The following KCNK2 variants were observed in gnomAD, a reference collection of about 807,000 sequenced individuals.
The protein encoded by KCNK2 is potassium channel subfamily K member 2.
A neutral mutation model predicts 40.5 loss-of-function variants in KCNK2; 21 were observed. The observed-to-expected ratio is 0.52, with a 90% CI of 0.37 to 0.75. KCNK2 has a LOEUF of 0.75. Ranked by LOEUF, KCNK2 falls within the 30% of genes least tolerant of loss-of-function variation. The probability of loss-of-function intolerance (pLI) is 0.00; values close to 1 mark genes in which losing one functional copy is unlikely to be tolerated. For missense variants in KCNK2, 399 were observed against 531.6 expected, an observed-to-expected ratio of 0.75 and a Z score of 2.45; for synonymous variants, 191 against 202.2, an observed-to-expected ratio of 0.94 and a Z score of 0.47.
In KCNK2 at chr1:215,082,961, C is replaced by T. The variant is rs1026208049; in HGVS notation, c.-425C>T. ...TGCACCCACCGCCCCCGCGCCGCGC[C>T]GTGCCGGGGCCGGGCCAGCGAGCAG... On this transcript the variant is annotated 5_prime_UTR_variant, in exon 1 of 7. Transcript: ENST00000444842. Among the ~76,000 whole-genome samples the T allele has an allele frequency of 4.7e-5, 7 of 148,370 alleles. No individual in the cohort carries two copies. The highest frequency in any genetic ancestry group is 1.7e-4 in the African/African-American group (7 of 40,990).
chr1:215,107,907 A>G (rs1161550029), intron 2 of KCNK2, among the ~76,000 whole-genome samples: 1 of 152,160 alleles, frequency 6.6e-6, no homozygotes, highest in African/African-American at 2.4e-5. Context: ...TTTATGGTGT[A>G]TTAGGTGTTA....
At chr1:215,186,639 G>A (rs2102654698) in intron 5 of KCNK2, among the ~76,000 whole-genome samples, 1 of 152,244 alleles carries the variant, frequency 6.6e-6, no homozygotes, top group South Asian at 2.1e-4. Flanking sequence ...CTGAATATAG[G>A]AATTCAGCAT....
At chr1:215,020,951 T>G (rs550543279) in intron 1 of KCNK2, among the ~76,000 whole-genome samples, 1 of 152,322 alleles carries the variant, frequency 6.6e-6, no homozygotes, top group African/African-American at 2.4e-5. Context: ...ACCTCTAATC[T>G]TCTAGTATAA....
chr1:215,129,271 T>C (rs1049624338), intron 3 of KCNK2, among the ~76,000 whole-genome samples: 4 of 152,178 alleles, frequency 2.6e-5, no homozygotes, highest in Non-Finnish European at 5.9e-5. Flanking sequence ...TTATATGTTG[T>C]ATTATTTTAG....
At chr1:215,008,862 T>A (rs913467547) in intron 1 of KCNK2, among the ~76,000 whole-genome samples, 3 of 151,944 alleles carry the variant, frequency 2.0e-5, no homozygotes, top group Non-Finnish European at 4.4e-5. Flanking sequence ...TCAGAATGCA[T>A]GCTTTTTTTT....
At chr1:215,188,249 C>A (rs1556905) in intron 5 of KCNK2, among the ~76,000 whole-genome samples, 56,184 of 152,012 alleles carry the variant, frequency 0.37, 10,815 homozygotes, top group South Asian at 0.61. Context: ...GTGCTCCCTC[C>A]TATAGAGGTA....
chr1:215,144,324 G>C (rs1248185292), intron 3 of KCNK2, among the ~76,000 whole-genome samples: 2 of 152,136 alleles, frequency 1.3e-5, no homozygotes, highest in African/African-American at 4.8e-5. Context: ...AATGGTTTTA[G>C]TGATGTAGCC....
chr1:215,040,902 T>C (rs1657540115), intron 1 of KCNK2, among the ~76,000 whole-genome samples: 1 of 152,156 alleles, frequency 6.6e-6, no homozygotes, highest in Non-Finnish European at 1.5e-5. Context: ...CCATGCTGTG[T>C]GTGGAGGGCT....
chr1:215,011,988 G>T (rs11805210), intron 1 of KCNK2, among the ~76,000 whole-genome samples: 15,988 of 152,112 alleles, frequency 0.11, 917 homozygotes, highest in Middle Eastern at 0.27. Context: ...TCAGTAGTTT[G>T]TTTCTTTTTA....
At chr1:215,064,266 T>G (rs1027378869) in intron 1 of KCNK2, among the ~76,000 whole-genome samples, 3 of 152,062 alleles carry the variant, frequency 2.0e-5, no homozygotes, top group Non-Finnish European at 4.4e-5. Context: ...AGTGTGCAAT[T>G]TTTCATTTTC....
At chr1:215,096,576 A>G (rs1659985432) in intron 2 of KCNK2, among the ~76,000 whole-genome samples, 1 of 152,032 alleles carries the variant, frequency 6.6e-6, no homozygotes, top group Non-Finnish European at 1.5e-5. Context: ...GTTCTGACTC[A>G]TGAGTCCACT....
chr1:215,172,056 T>A lies in KCNK2; in HGVS notation c.696T>A (p.Phe232Leu), dbSNP rs1300355342. ...RIISTIIFILFGCVLFVALPA... is the reference protein window; with the variant it reads ...RIISTIIFILLGCVLFVALPA... ...TCTCAACAATCATATTTATACTATT[T>A]GGCTGTGTACTCTTTGTGGCTCTGC... The change falls in exon 5 of 7, where the codon TTT becomes TTA. Residue 232 changes from phenylalanine (F) to leucine (L), a missense_variant. Coordinates refer to ENST00000444842, the MANE Select transcript of KCNK2 (RefSeq NM_001017425.3). 3 of 1,613,400 alleles carry A rather than the reference T, an allele frequency of 1.9e-6. No individual in the cohort carries two copies. Among genetic ancestry groups the A allele is most frequent in the Non-Finnish European group, 2.5e-6 (3 of 1,179,700 alleles).
chr1:215,091,822 C>G (rs1427362505), intron 2 of KCNK2, among the ~76,000 whole-genome samples: 2 of 152,100 alleles, frequency 1.3e-5, no homozygotes, highest in African/African-American at 4.8e-5. Context: ...TGGGGAATAA[C>G]ACTTAGGCAG....
At chr1:215,137,223 AGG>A (rs1437493346) in intron 3 of KCNK2, among the ~76,000 whole-genome samples, 15 of 152,234 alleles carry the variant, frequency 9.9e-5, no homozygotes, top group African/African-American at 3.1e-4. Flanking sequence ...TCACTTAACA[AGG>A]TCAATATCAC....
At chr1:215,206,564 G>A (rs923240518) in intron 6 of KCNK2, among the ~76,000 whole-genome samples, 5 of 151,936 alleles carry the variant, frequency 3.3e-5, no homozygotes, top group African/African-American at 7.3e-5. Flanking sequence ...TCAAAATCCT[G>A]TTCTGATTAC....
At chr1:215,108,088 C>T (rs973200726) in intron 2 of KCNK2, among the ~76,000 whole-genome samples, 1 of 152,156 alleles carries the variant, frequency 6.6e-6, no homozygotes, top group African/African-American at 2.4e-5. Flanking sequence ...ATAGATCCCT[C>T]GCATGTACAC....
intron 1 of KCNK2, among the ~76,000 whole-genome samples, chr1:215,032,127 G>A (rs1657222700): frequency 6.8e-6 from 1 of 146,520 alleles, no homozygotes; most frequent in South Asian, 2.1e-4. Flanking sequence ...TTTTTAGAAG[G>A]GCAGGGACAG....
intron 1 of KCNK2, among the ~76,000 whole-genome samples, chr1:215,037,708 A>T (rs1388686499): frequency 2.6e-5 from 4 of 151,986 alleles, no homozygotes; most frequent in Admixed American, 1.3e-4. Flanking sequence ...TTAACAATTA[A>T]TAATGAATAT....
At chr1:215,220,304 T>C (rs544306477) in intron 6 of KCNK2, among the ~76,000 whole-genome samples, 1 of 152,320 alleles carries the variant, frequency 6.6e-6, no homozygotes, top group East Asian at 1.9e-4. Context: ...ATTCTCAATA[T>C]GTTATTTGAT....
Sources: gnomAD v4.1 joint callset for allele counts (sites outside exome capture counted in the v4.1 genomes callset) on GRCh38, gnomAD v4.1.1 for gene constraint, MANE v1.5 for transcripts, NCBI Gene and HGNC (gene_info 2026-07-23, HGNC 2026-07-21) for gene names.